ALDH6A1: variants seen among roughly 807,000 people sequenced by gnomAD.
ALDH6A1 encodes the protein methylmalonate-semialdehyde/malonate-semialdehyde dehydrogenase [acylating], mitochondrial.
Under a neutral mutation model 62.6 loss-of-function variants are expected in ALDH6A1, and 43 were observed. That is an observed-to-expected ratio of 0.69 (90% CI 0.54 to 0.89). ALDH6A1 has a LOEUF of 0.89. ALDH6A1 is among the 40% of genes least tolerant of loss of function. The pLI, the probability that ALDH6A1 is intolerant of heterozygous loss-of-function variation, is 0.00. For synonymous variants in ALDH6A1, 194 were observed against 234.2 expected, an observed-to-expected ratio of 0.83 and a Z score of 1.57; for missense variants, 551 against 661.3, an observed-to-expected ratio of 0.83 and a Z score of 1.83.
intron 7 of ALDH6A1, among the ~76,000 whole-genome samples, chr14:74,068,012 A>G (rs1479665758): frequency 1.3e-5 from 2 of 151,676 alleles, no homozygotes; most frequent in Non-Finnish European, 2.9e-5. Context: ...AAAAAAAAAA[A>G]AAGAACTTAC....
rs2060312488 is a variant in ALDH6A1, at chr14:74,060,328, T to C, written c.*314A>G. The C allele has an allele frequency of 4.8e-5, 16 of 335,882 alleles. No individual in the cohort carries two copies. The highest frequency in any genetic ancestry group is 4.1e-4 in the South Asian group (14 of 34,410). The allele number at this position is 335,882 out of a possible 1,614,324, so 20.8% of individuals were successfully genotyped here. A position where few individuals can be genotyped will look rare whatever the true frequency, so the allele number is the denominator to read the frequency against. On this transcript the variant is annotated 3_prime_UTR_variant, in exon 12 of 12. Transcript: ENST00000553458. ...ACATTTTCTTTACATACACTGGCTT[T>C]TCTCCCCTTCAAATCATCAGAAAAT...
At position 74,065,324 on chromosome 14, in the gene ALDH6A1, G is replaced by A. The variant is rs775391997; in HGVS notation, c.1261C>T (p.Pro421Ser). 5 of 1,614,014 alleles carry A rather than the reference G, an allele frequency of 3.1e-6. No homozygotes were observed. The Admixed American group carries it at 6.7e-5, about 22-fold the overall frequency. ...TCTGTCTCCAGAACCACAAGAACTG[G>A]ACCAAAAATCTCCTCTTTGTAACAG... ...MTCYKEEIFG[P>S]VLVVLETETL... Residue 421 changes from proline to serine, a missense_variant, in exon 10 of 12, where the codon CCA (proline) becomes TCA (serine). Transcript: ENST00000553458.
chr14:74,073,205 G>A (rs2060573799), intron 2 of ALDH6A1, among the ~76,000 whole-genome samples: 1 of 152,070 alleles, frequency 6.6e-6, no homozygotes, highest in African/African-American at 2.4e-5. Flanking sequence ...CAGGGCTTAG[G>A]TGATTCTCCC....
At chr14:74,065,853 C>T (rs1021113956) in intron 9 of ALDH6A1, 8 of 168,734 alleles carry the variant, frequency 4.7e-5, no homozygotes, top group Non-Finnish European at 9.0e-5. Context: ...GATATCAGGT[C>T]GCAGACACTC....
At position 74,071,500 on chromosome 14, in the gene ALDH6A1, G is replaced by A; in HGVS notation, c.428-3C>T. ...ACTACAGGCATGCTCAACCACCTCTGGAACACAGAAGTCAGGCCATCAGCT... is the reference window on the plus strand; with the variant it reads ...ACTACAGGCATGCTCAACCACCTCTAGAACACAGAAGTCAGGCCATCAGCT... On this transcript the variant is annotated splice_region_variant and splice_polypyrimidine_tract_variant and intron_variant, in intron 5 of 11. Transcript: ENST00000553458. 6.2e-7 allele frequency: 1 copy of A among 1,613,698 alleles called. No individual in the cohort carries two copies. Among genetic ancestry groups the A allele is most frequent in the Non-Finnish European group, 8.5e-7 (1 of 1,180,000 alleles).
intron 11 of ALDH6A1, 198 bp downstream of exon 11, chr14:74,064,624 G>C (rs1333415054): frequency 1.3e-6 from 2 of 1,524,494 alleles, no homozygotes; most frequent in African/African-American, 2.7e-5. Context: ...AAACTTTGTT[G>C]CTTTGAATTA....
Position 74,060,509 on chromosome 14 carries a change from T to C in ALDH6A1, c.*133A>G. ...CCTATAGAAACTTTGCGGGGGTTAA[T>C]AGTCCTGAGGAAGATTTTAGTTACA... is the stretch of plus-strand genomic sequence containing the variant. On this transcript the variant is annotated 3_prime_UTR_variant, in exon 12 of 12. Coordinates refer to ENST00000553458, the MANE Select transcript of ALDH6A1 (RefSeq NM_005589.4). 1 of 753,520 alleles carries C rather than the reference T, an allele frequency of 1.3e-6. No homozygotes were observed. The highest frequency in any genetic ancestry group is 2.7e-5 in the East Asian group (1 of 37,716). The allele number at this position is 753,520 out of a possible 1,614,324, so 46.7% of individuals were successfully genotyped here.
intron 6 of ALDH6A1, among the ~76,000 whole-genome samples, chr14:74,070,425 A>G (rs2060532994): frequency 6.6e-6 from 1 of 152,142 alleles, no homozygotes; most frequent in Non-Finnish European, 1.5e-5. Flanking sequence ...AGGCAGAGGC[A>G]GGAAAATTGC....
intron 11 of ALDH6A1, 36 bp from the exon 12 acceptor site, chr14:74,060,782 T>C: frequency 7.0e-7 from 1 of 1,428,944 alleles, no homozygotes; most frequent in South Asian, 1.1e-5. Flanking sequence ...CATATATTTC[T>C]GGGGTTTCAT....
intron 6 of ALDH6A1, chr14:74,070,929 A>C (rs1296913815): frequency 4.3e-6 from 2 of 468,830 alleles, no homozygotes; most frequent in Admixed American, 6.9e-5. Flanking sequence ...TGAAGAAAAA[A>C]GTTTCTTTTT....
rs751968554 is a variant in ALDH6A1, at chr14:74,064,917, C to A, written c.1408G>T (p.Gly470Ter). 1 of 1,612,958 alleles carries A rather than the reference C, an allele frequency of 6.2e-7. No individual in the cohort carries two copies. Among genetic ancestry groups the A allele is most frequent in the East Asian group, 2.2e-5 (1 of 44,844 alleles). ...YAHLVDVGQV[G>*]VNVPIPVPLP... ...GGCACTGGAATGGGGACATTCACTCCCACCTAAAACAGAACAAATCCGTGT... is the reference window on the plus strand; with the variant it reads ...GGCACTGGAATGGGGACATTCACTCACACCTAAAACAGAACAAATCCGTGT... Residue 470 changes from glycine to a stop codon, truncating the protein, a stop_gained, in exon 11 of 12, where the codon GGA becomes TGA. Transcript: ENST00000553458. LOFTEE classifies it high-confidence loss of function.
rs759703228 is a variant in ALDH6A1, at chr14:74,084,390, G to A, written c.5C>T (p.Ala2Val). Residue 2 changes from alanine (A) to valine (V), a missense_variant, in exon 1 of 12, where the codon GCG becomes GTG. Coordinates refer to ENST00000553458, the MANE Select transcript of ALDH6A1 (RefSeq NM_005589.4). ...CACTGCCGCCGCCGCCAATAGCGCC[G>A]CCATGGCTCTCGGCCGCCCTAGCTC... M[A>V]ALLAAAAVRA... is the part of the protein sequence containing the mutation. 4.3e-6 allele frequency: 7 copies of A among 1,613,462 alleles called. No homozygotes were observed. The highest frequency in any genetic ancestry group is 1.7e-4 in the Middle Eastern group (1 of 5,950).
Position 74,069,108 on chromosome 14 carries a change from T to TC in ALDH6A1, c.731-128_731-127insG. The TC allele has an allele frequency of 4.6e-6, 5 of 1,089,710 alleles. No individual in the cohort carries two copies. The African/African-American group carries it at 5.2e-5, about 11-fold the overall frequency. The allele number at this position is 1,089,710 out of a possible 1,614,324, so 67.5% of individuals were successfully genotyped here. ...GTTTTTCTTTTACTTTTTCTTTTTT[T>TC]TTTTTTTTTTTTTTGAGACGGAGTC... On this transcript the variant is annotated intron_variant, in intron 6 of 11. Transcript: ENST00000553458.
intron 11 of ALDH6A1, among the ~76,000 whole-genome samples, chr14:74,063,337 C>T (rs1043013506): frequency 6.6e-6 from 1 of 151,734 alleles, no homozygotes; most frequent in African/African-American, 2.4e-5. Context: ...TAGGCACCTG[C>T]CACCACACCT....
At chr14:74,068,762 C>T (rs1007681379) in intron 7 of ALDH6A1, 98 bp downstream of exon 7, 1 of 1,389,676 alleles carries the variant, frequency 7.2e-7, no homozygotes, top group Non-Finnish European at 1.0e-6. Flanking sequence ...GAAACACTGA[C>T]ATTGGAGTGG....
intron 2 of ALDH6A1, 76 bp downstream of exon 2, chr14:74,074,879 T>C (rs1273871387): frequency 2.5e-5 from 36 of 1,431,742 alleles, no homozygotes; most frequent in South Asian, 3.5e-5. Flanking sequence ...ATGACAATTA[T>C]GTAAAGAAGA....
Position 74,066,824 on chromosome 14 carries a change from T to G in ALDH6A1, c.1105A>C (p.Asn369His). The G allele has an allele frequency of 6.2e-7, 1 of 1,614,060 alleles. No individual in the cohort carries two copies. Among genetic ancestry groups the G allele is most frequent in the African/African-American group, 1.3e-5 (1 of 75,030 alleles). The change falls in exon 9 of 12, where the codon AAT becomes CAT. Residue 369 changes from asparagine to histidine, a missense_variant. Physicochemically the swap from Asn to His is moderately conservative, Grantham distance 68. Transcript: ENST00000553458. Reference protein sequence around the residue: ...ITPQAKERVCNLIDSGTKEGA... With the variant: ...ITPQAKERVCHLIDSGTKEGA... ...TCCTTTGTTCCACTATCAATCAGAT[T>G]ACAGACTCGCTCTTTGGCCTGGGGA...
At chr14:74,083,670 C>G (rs948247631) in intron 1 of ALDH6A1, among the ~76,000 whole-genome samples, 1 of 152,180 alleles carries the variant, frequency 6.6e-6, no homozygotes, top group African/African-American at 2.4e-5. Flanking sequence ...TGTGCCCTAT[C>G]TATGTAAACT....
At position 74,069,078 on chromosome 14, in the gene ALDH6A1, C is replaced by CCTGT. The variant is rs559303440; in HGVS notation, c.731-101_731-98dup. On this transcript the variant is annotated intron_variant, in intron 6 of 11. Transcript: ENST00000553458. The stretch of plus-strand genomic sequence containing the variant: ...CCCACTGCTATGGATTTGAAGTTTT[C>CCTGT]CTGTGTTTTTCTTTTACTTTTTCTT... 7.0e-4 allele frequency: 851 copies of CCTGT among 1,221,228 alleles called. 14 individuals are homozygous for CCTGT. The highest frequency in any genetic ancestry group is 6.8e-3 in the South Asian group (499 of 73,568). The allele number at this position is 1,221,228 out of a possible 1,614,324, so 75.6% of individuals were successfully genotyped here. A position where few individuals can be genotyped will look rare whatever the true frequency, so the allele number is the denominator to read the frequency against.
Sources: allele counts gnomAD v4.1 joint callset (sites outside exome capture counted in the v4.1 genomes callset), GRCh38; gene constraint gnomAD v4.1.1; transcripts MANE v1.5; gene names NCBI Gene and HGNC (gene_info 2026-07-23, HGNC 2026-07-21).